Variants in TMEM74B observed in about 807,000 individuals in gnomAD.
TMEM74B encodes transmembrane protein C20orf46.
A neutral mutation model predicts 6.5 loss-of-function variants in TMEM74B; 7 were observed. That is an observed-to-expected ratio of 1.07 (90% CI 0.61 to 2.01). TMEM74B has a LOEUF of 2.01. TMEM74B is among the 30% of genes most tolerant of loss of function. TMEM74B has a pLI of 0.00. For missense variants in TMEM74B, 342 were observed against 337.0 expected (o/e 1.01, Z -0.12); for synonymous variants, 151 against 151.6 (o/e 1.00, Z 0.03).
At chr20:1,183,231 A>T (rs1428801826) in intron 2 of TMEM74B, among the ~76,000 whole-genome samples, 5 of 152,094 alleles carry the variant, frequency 3.3e-5, no homozygotes, top group Non-Finnish European at 7.3e-5. Flanking sequence ...ATGCACACAC[A>T]CACGATTCTC....
At chr20:1,186,267 C>G (rs1247533569), upstream of TMEM74B, 1 of 152,248 alleles carries the variant, frequency 6.6e-6, no homozygotes, top group Non-Finnish European at 1.5e-5. Context: ...CATGTCTGAT[C>G]ACCTAGAAGA....
At chr20:1,182,195 A>AGGGGGGGGGGGGGG (rs56359649) in intron 2 of TMEM74B, among the ~76,000 whole-genome samples, 5 of 107,716 alleles carry the variant, frequency 4.6e-5, no homozygotes, top group Non-Finnish European at 3.7e-5. Flanking sequence ...GGGGTGGGGG[A>AGGGGGGGGGGGGGG]GGGGGTAGAA....
chr20:1,183,977 ATG>A (rs1397085842), intron 1 of TMEM74B, 29 bp from the exon 2 acceptor site: 1 of 647,310 alleles, frequency 1.5e-6, no homozygotes, highest in African/African-American at 1.8e-5. Context: ...GAAAAAAGAG[ATG>A]TGTTTGTTGG....
rs1239704284 is a variant in TMEM74B at position 1,181,705 on chromosome 20, C to T, written c.32-118G>A. On this transcript the variant is annotated intron_variant, in intron 2 of 2. Coordinates refer to ENST00000429036, the MANE Select transcript of TMEM74B (RefSeq NM_001304748.2). The surrounding 1 kb of genome is among the most constrained non-coding windows in gnomAD (Gnocchi z 4.9). ...AGGCACAATTCCCACTTGGGGGTGT[C>T]TGCCAGACAGAGGGGAAGACAGGGA... is the stretch of plus-strand genomic sequence containing the variant. 4 of 1,180,306 alleles carry T rather than the reference C, an allele frequency of 3.4e-6. No homozygotes were observed. In the African/African-American group the frequency reaches 6.3e-5, roughly 18 times the overall value. 73.1% of individuals were successfully genotyped at this position (1,180,306 alleles called of 1,614,324 possible).
Position 1,180,895 on chromosome 20 carries a change from C to T in TMEM74B, c.724G>A (p.Glu242Lys). The T allele has an allele frequency of 1.6e-5, 25 of 1,610,828 alleles. No homozygotes were observed. The highest frequency in any genetic ancestry group is 2.1e-5 in the Non-Finnish European group (25 of 1,178,010). The change falls in exon 3 of 3, where the codon GAA becomes AAA. Residue 242 changes from glutamate to lysine, a missense_variant. Physicochemically the swap from Glu to Lys is moderately conservative, Grantham distance 56. Transcript: ENST00000429036. This position sits in a 1 kb window ranked among gnomAD's most constrained non-coding sequence, Gnocchi z 6.1. ...GDGGQALVENEVVQVSETSHT... is the reference protein window; with the variant it reads ...GDGGQALVENKVVQVSETSHT... ...CTAGTCTCTGAGACCTGGACAACTT[C>T]ATTCTCCACCAGGGCCTGGCCCCCA...
chr20:1,188,184 G>A (rs113254076), upstream of TMEM74B, among the ~76,000 whole-genome samples: 847 of 94,746 alleles, frequency 8.9e-3, 13 homozygotes, highest in African/African-American at 0.033. Flanking sequence ...ACACACACAC[G>A]GGCTAGTATA....
Position 1,184,941 on chromosome 20 carries a change from C to A in TMEM74B, c.-787G>T, listed in dbSNP as rs573205796. On this transcript the variant is annotated 5_prime_UTR_variant, in exon 1 of 3. Coordinates refer to ENST00000429036, the MANE Select transcript of TMEM74B (RefSeq NM_001304748.2). The surrounding 1 kb of genome is among the most constrained non-coding windows in gnomAD (Gnocchi z 6.0). ...GCTCCCGCCGGCCCAGTCCACACCC[C>A]CTGCTCCTGCCCTTGCCCACAGACG... Among the ~76,000 whole-genome samples the A allele has an allele frequency of 6.6e-6, 1 of 152,312 alleles. No homozygotes were observed. Among genetic ancestry groups the A allele is most frequent in the East Asian group, 1.9e-4 (1 of 5,156 alleles).
At position 1,184,860 on chromosome 20, in the gene TMEM74B, G is replaced by C. The variant is rs2086977448; in HGVS notation, c.-706C>G. ...AGATACGCACACGCAGGTCCACGCTGTTGTACCCAAAGTTGCGCGCAGAAA... is the reference window on the plus strand; with the variant it reads ...AGATACGCACACGCAGGTCCACGCTCTTGTACCCAAAGTTGCGCGCAGAAA... On this transcript the variant is annotated 5_prime_UTR_variant, in exon 1 of 3. Transcript: ENST00000429036. The surrounding 1 kb of genome is among the most constrained non-coding windows in gnomAD (Gnocchi z 6.0). 6.6e-6 allele frequency among the ~76,000 whole-genome samples: 1 copy of C among 152,228 alleles called. No individual in the cohort carries two copies. The highest frequency in any genetic ancestry group is 2.1e-4 in the South Asian group (1 of 4,832).
In TMEM74B at chr20:1,181,452, C is replaced by T. The variant is rs1379761860; in HGVS notation, c.167G>A (p.Arg56Lys). 6.6e-7 allele frequency: 1 copy of T among 1,514,890 alleles called. No individual in the cohort carries two copies. Among genetic ancestry groups the T allele is most frequent in the Non-Finnish European group, 8.8e-7 (1 of 1,132,354 alleles). 93.8% of individuals were successfully genotyped at this position (1,514,890 alleles called of 1,614,324 possible). The change falls in exon 3 of 3, where the codon AGG becomes AAG. Residue 56 changes from arginine (R) to lysine (K), a missense_variant. Arg to Lys is a conservative substitution (Grantham distance 26, BLOSUM62 2). Coordinates refer to ENST00000429036, the MANE Select transcript of TMEM74B (RefSeq NM_001304748.2). The surrounding 1 kb of genome is among the most constrained non-coding windows in gnomAD (Gnocchi z 4.9). ...SAPLGPVAPT[R>K]EGVENACFSS... is the part of the protein sequence containing the mutation. ...GAAGCAGGCATTCTCCACACCCTCC[C>T]TGGTTGGGGCCACTGGGCCCAGGGG... is the stretch of plus-strand genomic sequence containing the variant.
At chr20:1,187,422 C>A (rs2087035543), upstream of TMEM74B, among the ~76,000 whole-genome samples, 1 of 152,152 alleles carries the variant, frequency 6.6e-6, no homozygotes, top group Non-Finnish European at 1.5e-5. Flanking sequence ...AGAAAATGGG[C>A]AAATATTATA....
At position 1,184,017 on chromosome 20, in the gene TMEM74B, C is replaced by T. The variant is rs2086951373; in HGVS notation, c.-147-69G>A. On this transcript the variant is annotated intron_variant, in intron 1 of 2. Coordinates refer to ENST00000429036, the MANE Select transcript of TMEM74B (RefSeq NM_001304748.2). The surrounding 1 kb of genome is among the most constrained non-coding windows in gnomAD (Gnocchi z 6.0). ...GGCTTTTTACTCTTAGCACCAAAAA[C>T]ATTTTCCTGAGTGCCCAGCCACAAA... 1 of 542,086 alleles carries T rather than the reference C, an allele frequency of 1.8e-6. No individual in the cohort carries two copies. The highest frequency in any genetic ancestry group is 1.9e-5 in the African/African-American group (1 of 51,948). 33.6% of individuals were successfully genotyped at this position (542,086 alleles called of 1,614,324 possible).
At chr20:1,183,637 A>G in intron 2 of TMEM74B, 134 bp downstream of exon 2, 1 of 1,041,744 alleles carries the variant, frequency 9.6e-7, no homozygotes, top group Non-Finnish European at 1.4e-6. Context: ...ATCTCATATC[A>G]CCCTCACCAG....
chr20:1,184,014 A>G lies in TMEM74B; in HGVS notation c.-147-66T>C. 1 of 546,906 alleles carries G rather than the reference A, an allele frequency of 1.8e-6. No individual in the cohort carries two copies. Among genetic ancestry groups the G allele is most frequent in the Non-Finnish European group, 3.2e-6 (1 of 311,360 alleles). The allele number at this position is 546,906 out of a possible 1,614,324, so 33.9% of individuals were successfully genotyped here. ...GTTGGCTTTTTACTCTTAGCACCAA[A>G]AACATTTTCCTGAGTGCCCAGCCAC... On this transcript the variant is annotated intron_variant, in intron 1 of 2. Coordinates refer to ENST00000429036, the MANE Select transcript of TMEM74B (RefSeq NM_001304748.2). This position sits in a 1 kb window ranked among gnomAD's most constrained non-coding sequence, Gnocchi z 6.0.
rs1168953745 is a variant in TMEM74B, at chr20:1,180,885, T to C, written c.734A>G (p.Gln245Arg). Residue 245 changes from glutamine to arginine, a missense_variant, in exon 3 of 3, where the codon CAG becomes CGG. Transcript: ENST00000429036. The surrounding 1 kb of genome is among the most constrained non-coding windows in gnomAD (Gnocchi z 6.1). ...GAGGGTGTGGCTAGTCTCTGAGACC[T>C]GGACAACTTCATTCTCCACCAGGGC... ...GQALVENEVVQVSETSHTLQR... is the reference protein window; with the variant it reads ...GQALVENEVVRVSETSHTLQR... The C allele has an allele frequency of 2.5e-6, 4 of 1,608,370 alleles. No individual in the cohort carries two copies. The South Asian group carries it at 3.3e-5, about 13-fold the overall frequency.
At chr20:1,187,152 C>T (rs34640116), upstream of TMEM74B, among the ~76,000 whole-genome samples, 19,272 of 152,164 alleles carry the variant, frequency 0.13, 1,438 homozygotes, top group Non-Finnish European at 0.17. Context: ...TCAAATGCCA[C>T]CTTCTCAGAG....
chr20:1,183,939 A>G lies in TMEM74B; in HGVS notation c.-138T>C, dbSNP rs1162221426. ...ATCTGGGTCCCCAGCCTGCGCCCAG[A>G]CTGCTTTTACTTTCCAGTGAATAGA... On this transcript the variant is annotated 5_prime_UTR_variant, in exon 2 of 3. Transcript: ENST00000429036. The G allele has an allele frequency of 1.1e-6, 1 of 885,284 alleles. No homozygotes were observed. The allele number at this position is 885,284 out of a possible 1,614,324, so 54.8% of individuals were successfully genotyped here. A position where few individuals can be genotyped will look rare whatever the true frequency, so the allele number is the denominator to read the frequency against.
At chr20:1,183,454 C>T (rs2086932692) in intron 2 of TMEM74B, among the ~76,000 whole-genome samples, 1 of 152,118 alleles carries the variant, frequency 6.6e-6, no homozygotes, top group Non-Finnish European at 1.5e-5. Flanking sequence ...TATGGACTAG[C>T]ATCAGACACC....
At chr20:1,183,290 CTGTGTGTGTGTGTGTGTGTGTGTGTTTG>C (rs1386362513) in intron 2 of TMEM74B, among the ~76,000 whole-genome samples, 4 of 149,214 alleles carry the variant, frequency 2.7e-5, no homozygotes, top group African/African-American at 5.0e-5. Flanking sequence ...GGTTCGTTCT[CTGTGTGTGTGTGTGTGTGTGTGTGTTTG>C]TGTGTGTGTG....
upstream of TMEM74B, chr20:1,185,396 C>T (rs1175551810): frequency 6.6e-6 from 1 of 151,354 alleles, no homozygotes; most frequent in Non-Finnish European, 1.5e-5. Flanking sequence ...CGTACCTACT[C>T]GCGCCGCGCG....
Sources: gnomAD v4.1 joint callset for allele counts (sites outside exome capture counted in the v4.1 genomes callset) on GRCh38, gnomAD v4.1.1 for gene constraint, Gnocchi (gnomAD v3.1) non-coding constraint, MANE v1.5 for transcripts, NCBI Gene and HGNC (gene_info 2026-07-23, HGNC 2026-07-21) for gene names.